LOXHD1: variants seen among roughly 807,000 people sequenced by gnomAD.
LOXHD1 encodes the protein lipoxygenase homology domain-containing protein 1.
Under a neutral mutation model 248.2 loss-of-function variants are expected in LOXHD1, and 205 were observed. The observed-to-expected ratio is 0.83, with a 90% CI of 0.74 to 0.93. LOXHD1 has a LOEUF of 0.93. LOXHD1 is among the 40% of genes least tolerant of loss of function. LOXHD1 has a pLI of 0.00. For synonymous variants in LOXHD1, 1,113 were observed against 1,162.8 expected, an observed-to-expected ratio of 0.96 and a Z score of 0.87; for missense variants, 2,930 against 2,971.6, an observed-to-expected ratio of 0.99 and a Z score of 0.33.
chr18:46,598,172 C>T (rs1409389595), intron 8 of LOXHD1, among the ~76,000 whole-genome samples: 1 of 151,996 alleles, frequency 6.6e-6, no homozygotes, highest in East Asian at 1.9e-4. Context: ...TTTGAAAATG[C>T]ACTCATATTA....
intron 9 of LOXHD1, 116 bp from the exon 10 acceptor site, chr18:46,593,876 G>T: frequency 1.9e-6 from 2 of 1,058,280 alleles, no homozygotes; most frequent in Non-Finnish European, 2.7e-6. Context: ...GGTATACACA[G>T]GTGTGTCCCA....
Position 46,656,955 on chromosome 18 carries a change from C to T in LOXHD1, c.79G>A (p.Ala27Thr), listed in dbSNP as rs1440845032. The stretch of plus-strand genomic sequence containing the variant: ...AGCTCCCCCTCGTCGTCCTCCGAGG[C>T]GTAGTTCAGCAGCTCCGCTTCGTAC... ...ALYEAELLNYASEDDEGELEH... is the reference protein window; with the variant it reads ...ALYEAELLNYTSEDDEGELEH... The change falls in exon 1 of 41, where the codon GCC becomes ACC. Residue 27 changes from alanine (A) to threonine (T), a missense_variant. Ala to Thr is a moderately conservative substitution (Grantham distance 58). Transcript: ENST00000642948. 2.6e-6 allele frequency: 4 copies of T among 1,551,524 alleles called. No individual in the cohort carries two copies. In the African/African-American group the frequency reaches 5.5e-5, roughly 21 times the overall value.
chr18:46,597,830 C>T (rs1445485360), intron 8 of LOXHD1, among the ~76,000 whole-genome samples: 2 of 151,806 alleles, frequency 1.3e-5, no homozygotes, highest in Non-Finnish European at 2.9e-5. Context: ...AATCTCAGCG[C>T]ACTGCAAGCT....
Position 46,601,069 on chromosome 18 carries a change from G to A in LOXHD1, c.1134+148C>T, listed in dbSNP as rs762211733. 44 of 1,130,546 alleles carry A rather than the reference G, an allele frequency of 3.9e-5. No individual in the cohort carries two copies. The African/African-American group carries it at 5.2e-4, about 13-fold the overall frequency. 70.0% of individuals were successfully genotyped at this position (1,130,546 alleles called of 1,614,324 possible). On this transcript the variant is annotated intron_variant, in intron 8 of 40. Transcript: ENST00000642948. ...CTTTTGAGGCAAGATAGACGGACAC[G>A]TAACCACCCAAAATGCCCAATGAAA...
chr18:46,567,615 T>G (rs1385890496), intron 16 of LOXHD1, among the ~76,000 whole-genome samples: 4 of 152,202 alleles, frequency 2.6e-5, no homozygotes, highest in Admixed American at 6.5e-5. Flanking sequence ...GGGCAGACAC[T>G]AGCTCAGTTC....
chr18:46,615,418 G>T (rs746038500), intron 5 of LOXHD1, among the ~76,000 whole-genome samples: 1 of 152,124 alleles, frequency 6.6e-6, no homozygotes, highest in Non-Finnish European at 1.5e-5. Flanking sequence ...ATTCTGTTCC[G>T]GGTGGTGGTG....
At chr18:46,530,077 A>T (rs2035996602) in intron 28 of LOXHD1, among the ~76,000 whole-genome samples, 1 of 151,986 alleles carries the variant, frequency 6.6e-6, no homozygotes, top group Non-Finnish European at 1.5e-5. Context: ...TACCAGGGAG[A>T]CTCAAGTCTT....
intron 20 of LOXHD1, chr18:46,557,954 C>T (rs1055929122): frequency 3.0e-5 from 31 of 1,034,862 alleles, no homozygotes; most frequent in South Asian, 7.9e-5. Flanking sequence ...AAACTGAAGA[C>T]GGATTTGCCC....
Position 46,557,358 on chromosome 18 carries a change from G to T in LOXHD1, c.3348C>A (p.Ile1116=). 1 of 1,552,282 alleles carries T rather than the reference G, an allele frequency of 6.4e-7. No homozygotes were observed. Among genetic ancestry groups the T allele is most frequent in the Non-Finnish European group, 8.7e-7 (1 of 1,147,128 alleles). Reference sequence around the variant, plus strand: ...CTGCCCACTGCCCCCACACTCACGTGATCTCGTTGTTCATGTCAGTAATGT... The same window carrying T: ...CTGCCCACTGCCCCCACACTCACGTTATCTCGTTGTTCATGTCAGTAATGT... ...RIDITDMNNE[I]TYYFPCQRWL... Residue 1116 remains isoleucine (I), a splice_region_variant and synonymous_variant, in exon 21 of 41, where the codon ATC becomes ATA. Coordinates refer to ENST00000642948, the MANE Select transcript of LOXHD1 (RefSeq NM_001384474.1).
chr18:46,616,590 T>C (rs907525832), intron 5 of LOXHD1, among the ~76,000 whole-genome samples: 1 of 152,228 alleles, frequency 6.6e-6, no homozygotes. Context: ...TCTCATTCCT[T>C]TCTTCTGTGT....
At chr18:46,503,621 T>C (rs940271106) in intron 37 of LOXHD1, among the ~76,000 whole-genome samples, 4 of 151,996 alleles carry the variant, frequency 2.6e-5, no homozygotes, top group African/African-American at 4.8e-5. Flanking sequence ...TCAGGAGTTT[T>C]TGTTTTGTTT....
intron 4 of LOXHD1, among the ~76,000 whole-genome samples, chr18:46,625,698 T>C (rs2038732330): frequency 6.6e-6 from 1 of 152,156 alleles, no homozygotes; most frequent in Non-Finnish European, 1.5e-5. Flanking sequence ...AGTCTGATAC[T>C]ATCAGGTGTT....
intron 6 of LOXHD1, among the ~76,000 whole-genome samples, chr18:46,609,689 G>A (rs2038475763): frequency 6.6e-6 from 1 of 152,166 alleles, no homozygotes; most frequent in Non-Finnish European, 1.5e-5. Context: ...TACTCTTTTG[G>A]TATTTTATAT....
chr18:46,492,007 C>T (rs181018508), intron 37 of LOXHD1, among the ~76,000 whole-genome samples: 83 of 152,328 alleles, frequency 5.4e-4, no homozygotes, highest in African/African-American at 1.8e-3. Context: ...GAGCTTTGTG[C>T]CTGCTGCTCA....
chr18:46,612,435 G>T (rs181785576), intron 5 of LOXHD1, among the ~76,000 whole-genome samples: 2 of 152,220 alleles, frequency 1.3e-5, no homozygotes, highest in African/African-American at 4.8e-5. Flanking sequence ...GCATCTTATT[G>T]TAGTTTTAAT....
In LOXHD1 at chr18:46,546,983, C is replaced by T. The variant is rs200068167; in HGVS notation, c.3426G>A (p.Val1142=). The T allele has an allele frequency of 2.2e-3, 3,408 of 1,551,754 alleles. 4 individuals are homozygous for T. Among genetic ancestry groups the T allele is most frequent in the Non-Finnish European group, 2.7e-3 (3,051 of 1,146,992 alleles). The change falls in exon 22 of 41, where the codon GTG becomes GTA. Residue 1142 remains valine, a synonymous_variant. Transcript: ENST00000642948. ...TCTGTGGCAGCACATAGGACTCATC[C>T]ACTGGCAACAGCTCCCTGGACAGCT... The part of the protein sequence containing the change: ...DGQLSRELLP[V]DESYVLPQSE...
chr18:46,546,308 T>TACTCC (rs1160074132), intron 22 of LOXHD1, among the ~76,000 whole-genome samples: 31 of 151,332 alleles, frequency 2.0e-4, no homozygotes, highest in Non-Finnish European at 4.1e-4. Flanking sequence ...CATTCCATTC[T>TACTCC]ACTCCACTCC....
Position 46,500,013 on chromosome 18 carries a change from C to T in LOXHD1, c.5878+5825G>A, listed in dbSNP as rs73429148. ...AACAATCTTCAGCATTACAGAGTTT[C>T]CCAGATGTAAATTTCCTCCCCAAGC... On this transcript the variant is annotated intron_variant, in intron 37 of 40. Coordinates refer to ENST00000642948, the MANE Select transcript of LOXHD1 (RefSeq NM_001384474.1). Among the ~76,000 whole-genome samples the T allele has an allele frequency of 6.6e-3, 1,001 of 152,130 alleles. 9 individuals carry two copies. The highest frequency in any genetic ancestry group is 0.023 in the African/African-American group (969 of 41,496).
Position 46,559,522 on chromosome 18 carries a change from C to G in LOXHD1, c.3142G>C (p.Gly1048Arg). The G allele has an allele frequency of 1.3e-6, 2 of 1,552,034 alleles. No individual in the cohort carries two copies. Among genetic ancestry groups the G allele is most frequent in the Non-Finnish European group, 1.7e-6 (2 of 1,147,066 alleles). ...TDANVYLTIY[G>R]EEYGDTGERP... ...TCGCCCGTGTCTCCATACTCCTCGC[C>G]GTAGATGGTTAGGTAGACGTTAGCA... Residue 1048 changes from glycine to arginine, a missense_variant, in exon 20 of 41, where the codon GGC becomes CGC. Transcript: ENST00000642948.
Sources: allele counts gnomAD v4.1 joint callset (sites outside exome capture counted in the v4.1 genomes callset), GRCh38; gene constraint gnomAD v4.1.1; transcripts MANE v1.5; gene names NCBI Gene and HGNC (gene_info 2026-07-23, HGNC 2026-07-21).